HSPA13: variants seen among roughly 807,000 people sequenced by gnomAD.
HSPA13 encodes the protein heat shock protein family A (Hsp70) member 13.
Under a neutral mutation model 38.8 loss-of-function variants are expected in HSPA13, and 29 were observed. That is an observed-to-expected ratio of 0.75 (90% confidence interval 0.56 to 1.02). The LOEUF is 1.02. Among genes scored for constraint, HSPA13 ranks in the 50% least tolerant of loss-of-function variants. The pLI, the probability that HSPA13 is intolerant of heterozygous loss-of-function variation, is 0.00. For missense variants in HSPA13, 451 were observed against 560.9 expected (o/e 0.80, Z 1.98); for synonymous variants, 192 against 205.3 (o/e 0.94, Z 0.56).
chr21:14,381,874 A>T (rs149326633), intron 1 of HSPA13, among the ~76,000 whole-genome samples: 1 of 152,336 alleles, frequency 6.6e-6, no homozygotes, highest in Admixed American at 6.5e-5. Flanking sequence ...ATTTATCTGG[A>T]GCAAAAGCCA....
chr21:14,379,192 T>A (rs1487655785), intron 2 of HSPA13, among the ~76,000 whole-genome samples: 1 of 115,148 alleles, frequency 8.7e-6, no homozygotes, highest in Non-Finnish European at 2.0e-5. Flanking sequence ...AAGAATCAAA[T>A]CTCATTTACA....
At chr21:14,377,034 T>G (rs1208147134) in intron 3 of HSPA13, among the ~76,000 whole-genome samples, 1 of 152,216 alleles carries the variant, frequency 6.6e-6, no homozygotes, top group Non-Finnish European at 1.5e-5. Flanking sequence ...CATTTTTCAT[T>G]GTCACCACTT....
intron 4 of HSPA13, 77 bp from the exon 5 acceptor site, chr21:14,374,361 A>T: frequency 2.0e-6 from 2 of 1,006,842 alleles, no homozygotes; most frequent in Non-Finnish European, 2.9e-6. Context: ...ATGTATACGT[A>T]AAAATTATAT....
intron 1 of HSPA13, among the ~76,000 whole-genome samples, chr21:14,382,120 A>C (rs2822646): frequency 1.3e-5 from 2 of 152,010 alleles, no homozygotes; most frequent in Non-Finnish European, 2.9e-5. Flanking sequence ...CTGTCACTTC[A>C]AAACAGAACA....
intron 3 of HSPA13, among the ~76,000 whole-genome samples, chr21:14,377,712 C>A (rs1600805152): frequency 6.6e-6 from 1 of 152,182 alleles, no homozygotes; most frequent in Admixed American, 6.5e-5. Flanking sequence ...GGAATAAAAG[C>A]AGGCAGAAGA....
chr21:14,374,178 G>T lies in HSPA13; in HGVS notation c.855C>A (p.Ile285=). ...TTTCCACAGCTTGTCTCAATCTGTG[G>T]ATTTCCTCTTTCCTAGAGGGCACGA... ...YGFVPSRKEE[I]HRLRQAVEMV... is the part of the protein sequence containing the mutation. Residue 285 remains isoleucine, a synonymous_variant, in exon 5 of 5, where the codon ATC becomes ATA. Coordinates refer to ENST00000285667, the MANE Select transcript of HSPA13 (RefSeq NM_006948.5). The T allele has an allele frequency of 1.9e-6, 3 of 1,613,822 alleles. No individual in the cohort carries two copies. The highest frequency in any genetic ancestry group is 1.7e-6 in the Non-Finnish European group (2 of 1,180,020).
chr21:14,373,957 A>C lies in HSPA13; in HGVS notation c.1076T>G (p.Val359Gly). The C allele has an allele frequency of 6.2e-7, 1 of 1,614,164 alleles. No homozygotes were observed. The highest frequency in any genetic ancestry group is 8.5e-7 in the Non-Finnish European group (1 of 1,180,026). ...CCGTGATATTTCTGTTTCAAATAAA[A>C]CCTGACTTTCTCCACTTTTCTTATC... The part of the protein sequence containing the change: ...LSDKKSGESQ[V>G]LFETEISRKL... The change falls in exon 5 of 5, where the codon GTT (valine) becomes GGT (glycine). Residue 359 changes from valine (V) to glycine (G), a missense_variant. Physicochemically the swap from Val to Gly is moderately radical, Grantham distance 109 (BLOSUM62 -3). Transcript: ENST00000285667.
intron 4 of HSPA13, 141 bp downstream of exon 4, chr21:14,375,511 T>A: frequency 4.4e-6 from 2 of 453,434 alleles, no homozygotes; most frequent in Non-Finnish European, 3.8e-6. Context: ...TTTTTTTTTT[T>A]TTAGTAGAGA....
At position 14,373,803 on chromosome 21, in the gene HSPA13, A is replaced by T; in HGVS notation, c.1230T>A (p.Arg410=). The change falls in exon 5 of 5, where the codon CGT becomes CGA. Residue 410 remains arginine (R), a synonymous_variant. Coordinates refer to ENST00000285667, the MANE Select transcript of HSPA13 (RefSeq NM_006948.5). ...GAATGACTTGACGGATCCGAGGAAT[A>T]CGAGTGGAGCCCCCAACTAAAACCA... ...DEVVLVGGST[R]IPRIRQVIQE... is the part of the protein sequence containing the mutation. 6.2e-7 allele frequency: 1 copy of T among 1,614,202 alleles called. No homozygotes were observed. The highest frequency in any genetic ancestry group is 8.5e-7 in the Non-Finnish European group (1 of 1,180,038).
rs537504051 is a variant in HSPA13, at chr21:14,378,705, C to T, written c.367-293G>A. On this transcript the variant is annotated intron_variant, in intron 2 of 4. Transcript: ENST00000285667. ...CATGATCTCGGCTCACCACAACCTC[C>T]GCCTCCTGGGTTCAAGCGATTCTCC... is the stretch of plus-strand genomic sequence containing the variant. Among the ~76,000 whole-genome samples, 8 of 151,742 alleles carry T rather than the reference C, an allele frequency of 5.3e-5. No individual in the cohort carries two copies. In the East Asian group the frequency reaches 1.6e-3, roughly 29 times the overall value.
chr21:14,379,216 T>C (rs1233001195), intron 2 of HSPA13, among the ~76,000 whole-genome samples: 2 of 152,106 alleles, frequency 1.3e-5, no homozygotes, highest in Non-Finnish European at 2.9e-5. Context: ...TTGTTTCCCA[T>C]GAAAACATGT....
In HSPA13 at chr21:14,374,097, C is replaced by CT. The variant is rs747255548; in HGVS notation, c.935_936insA (p.Val313GlyfsTer12). On this transcript the variant is annotated frameshift_variant, in exon 5 of 5. Transcript: ENST00000285667. LOFTEE classifies it high-confidence loss of function. ...GTTCCTTCCTGTCCTGCTCCTCCAC[C>CT]GTTAGTAATACTGACAACTGAGCAG... 1.2e-6 allele frequency: 2 copies of CT among 1,614,112 alleles called. No individual in the cohort carries two copies. The highest frequency in any genetic ancestry group is 1.7e-6 in the Non-Finnish European group (2 of 1,180,022).
Position 14,374,080 on chromosome 21 carries a change from C to T in HSPA13, c.953G>A (p.Arg318Lys), listed in dbSNP as rs1387304004. 1.9e-6 allele frequency: 3 copies of T among 1,614,176 alleles called. No homozygotes were observed. The highest frequency in any genetic ancestry group is 8.5e-7 in the Non-Finnish European group (1 of 1,180,022). The change falls in exon 5 of 5, where the codon AGG becomes AAG. Residue 318 changes from arginine (R) to lysine (K), a missense_variant. By Grantham distance (26) the Arg-to-Lys change is conservative (BLOSUM62 2). Transcript: ENST00000285667. ...AGTGTCACTACTGTGAGGTTCCTTCCTGTCCTGCTCCTCCACCGTTAGTAA... is the reference window on the plus strand; with the variant it reads ...AGTGTCACTACTGTGAGGTTCCTTCTTGTCCTGCTCCTCCACCGTTAGTAA... ...SVLLTVEEQD[R>K]KEPHSSDTEL...
At position 14,381,378 on chromosome 21, in the gene HSPA13, T is replaced by C; in HGVS notation, c.191A>G (p.His64Arg). The change falls in exon 2 of 5, where the codon CAT (histidine) becomes CGT (arginine). Residue 64 changes from histidine (H) to arginine (R), a missense_variant. Coordinates refer to ENST00000285667, the MANE Select transcript of HSPA13 (RefSeq NM_006948.5). ...AGACACCATGCTGGGTATGCTGATATGCCCATTTTCATCTGGAATCACCTT... is the reference window on the plus strand; with the variant it reads ...AGACACCATGCTGGGTATGCTGATACGCCCATTTTCATCTGGAATCACCTT... ...KVKVIPDENGHISIPSMVSFT... is the reference protein window; with the variant it reads ...KVKVIPDENGRISIPSMVSFT... 1 of 1,614,168 alleles carries C rather than the reference T, an allele frequency of 6.2e-7. No homozygotes were observed. Among genetic ancestry groups the C allele is most frequent in the Non-Finnish European group, 8.5e-7 (1 of 1,180,030 alleles).
rs1982850379 is a variant in HSPA13, at chr21:14,372,468, A to G, written c.*1149T>C. The stretch of plus-strand genomic sequence containing the variant: ...GCCGATTTGTAGAAACCTTGCCACA[A>G]TGGCTTCCACATTAGATTTCCACGT... On this transcript the variant is annotated 3_prime_UTR_variant, in exon 5 of 5. Transcript: ENST00000285667. 1 of 152,256 alleles carries G rather than the reference A, an allele frequency of 6.6e-6. No homozygotes were observed. Among genetic ancestry groups the G allele is most frequent in the South Asian group, 2.1e-4 (1 of 4,828 alleles). The allele number at this position is 152,256 out of a possible 1,614,324, so 9.4% of individuals were successfully genotyped here.
chr21:14,377,687 T>C lies in HSPA13; in HGVS notation c.580+512A>G, dbSNP rs560629712. On this transcript the variant is annotated intron_variant, in intron 3 of 4. Coordinates refer to ENST00000285667, the MANE Select transcript of HSPA13 (RefSeq NM_006948.5). The stretch of plus-strand genomic sequence containing the variant: ...TCTGGGTGGGCACCATCTAATCAGC[T>C]GCCAGAGTGTGCCTGGAATAAAAGC... 2.0e-5 allele frequency among the ~76,000 whole-genome samples: 3 copies of C among 152,330 alleles called. No homozygotes were observed. In the South Asian group the frequency reaches 6.2e-4, roughly 32 times the overall value.
chr21:14,375,822 G>A lies in HSPA13; in HGVS notation c.581-3C>T, dbSNP rs1984006878. The stretch of plus-strand genomic sequence containing the variant: ...TATTACCCTCAAAATCTTCAGTCCT[G>A]TAAGATTGGTTAAGGGAAGAAAAAT... On this transcript the variant is annotated splice_polypyrimidine_tract_variant and splice_region_variant and intron_variant, in intron 3 of 4. Coordinates refer to ENST00000285667, the MANE Select transcript of HSPA13 (RefSeq NM_006948.5). 6.2e-7 allele frequency: 1 copy of A among 1,611,540 alleles called. No homozygotes were observed. Among genetic ancestry groups the A allele is most frequent in the African/African-American group, 1.3e-5 (1 of 74,908 alleles).
At chr21:14,374,393 T>C in intron 4 of HSPA13, 109 bp from the exon 5 acceptor site, 1 of 779,006 alleles carries the variant, frequency 1.3e-6, no homozygotes, top group South Asian at 1.9e-5. Context: ...CAAATCCCTG[T>C]TTCATGTATC....
At chr21:14,381,123 G>T in intron 2 of HSPA13, 80 bp downstream of exon 2, 2 of 1,045,838 alleles carry the variant, frequency 1.9e-6, no homozygotes, top group Non-Finnish European at 2.8e-6. Flanking sequence ...AGACGAGATA[G>T]AATGTTTTGT....
Sources: allele counts gnomAD v4.1 joint callset (sites outside exome capture counted in the v4.1 genomes callset), GRCh38; gene constraint gnomAD v4.1.1; transcripts MANE v1.5; gene names NCBI Gene and HGNC (gene_info 2026-07-23, HGNC 2026-07-21).